The following LRRC7 variants were observed in gnomAD, a reference collection of about 807,000 sequenced individuals.
LRRC7 encodes leucine rich repeat containing 7.
Under a neutral mutation model 175.7 loss-of-function variants are expected in LRRC7, and 23 were observed. That is an observed-to-expected ratio of 0.13 (90% confidence interval 0.09 to 0.19). LRRC7 has a LOEUF of 0.19. Among genes scored for constraint, LRRC7 ranks in the 10% least tolerant of loss-of-function variants. The probability of loss-of-function intolerance (pLI) is 1.00; values close to 1 mark genes in which losing one functional copy is unlikely to be tolerated. For synonymous variants in LRRC7, 685 were observed against 680.9 expected, an observed-to-expected ratio of 1.01 and a Z score of -0.09; for missense variants, 1,354 against 1,904.7, an observed-to-expected ratio of 0.71 and a Z score of 5.38.
chr1:69,816,100 C>G (rs1278941547), intron 4 of LRRC7, among the ~76,000 whole-genome samples: 1 of 152,072 alleles, frequency 6.6e-6, no homozygotes, highest in Non-Finnish European at 1.5e-5. Flanking sequence ...GCCTCAGCCT[C>G]CTGAGTAGCT....
chr1:69,672,928 G>C (rs1659286260), intron 1 of LRRC7, among the ~76,000 whole-genome samples: 1 of 152,174 alleles, frequency 6.6e-6, no homozygotes, highest in African/African-American at 2.4e-5. Flanking sequence ...GCAAGCCTTT[G>C]ATTGTGCTTT....
chr1:69,995,525 G>A (rs1350275975), intron 11 of LRRC7, among the ~76,000 whole-genome samples: 1 of 151,504 alleles, frequency 6.6e-6, no homozygotes, highest in Non-Finnish European at 1.5e-5. Flanking sequence ...CTAGCATTAG[G>A]TATATCTCCC....
chr1:69,643,993 T>C (rs947575455), intron 1 of LRRC7, among the ~76,000 whole-genome samples: 3 of 152,062 alleles, frequency 2.0e-5, no homozygotes, highest in Non-Finnish European at 2.9e-5. Context: ...AAAATAAAAA[T>C]GTAGCAAAAT....
chr1:70,121,870 C>T lies in LRRC7; in HGVS notation c.4711C>T (p.Arg1571Cys), dbSNP rs909071809. 3.1e-6 allele frequency: 5 copies of T among 1,600,770 alleles called. No individual in the cohort carries two copies. The highest frequency in any genetic ancestry group is 1.1e-5 in the South Asian group (1 of 90,626). The change falls in exon 27 of 27, where the codon CGT becomes TGT. Residue 1571 changes from arginine to cysteine, a missense_variant. By Grantham distance (180) the Arg-to-Cys change is radical. This residue lies in a region of LRRC7 where 53 missense variants were observed against 112.6 expected (regional missense o/e 0.47). Coordinates refer to ENST00000651989, the MANE Select transcript of LRRC7 (RefSeq NM_001370785.2). ...GAACACAGTAGACCTAGTTATTCAA[C>T]GTGAGCTTACTGTCTAAATATTTTT... Reference protein sequence around the residue: ...FQNTVDLVIQRELTV With the variant: ...FQNTVDLVIQCELTV
intron 11 of LRRC7, among the ~76,000 whole-genome samples, chr1:70,010,002 C>T (rs1169010476): frequency 6.6e-6 from 1 of 152,204 alleles, no homozygotes; most frequent in Non-Finnish European, 1.5e-5. Context: ...TCACCAGCCC[C>T]TCAGTCACTG....
At chr1:69,931,382 G>T (rs1482398015) in intron 7 of LRRC7, 125 bp from the exon 8 acceptor site, 6 of 683,638 alleles carry the variant, frequency 8.8e-6, no homozygotes, top group Admixed American at 6.9e-5. Flanking sequence ...ACTTGTTGCT[G>T]AAGAGTACCC....
chr1:69,970,194 A>G (rs1280101779), intron 8 of LRRC7, among the ~76,000 whole-genome samples: 1 of 152,134 alleles, frequency 6.6e-6, no homozygotes, highest in Non-Finnish European at 1.5e-5. Flanking sequence ...GAGCACAAAC[A>G]GACAATCTAA....
intron 2 of LRRC7, among the ~76,000 whole-genome samples, chr1:69,750,563 A>G (rs1234647559): frequency 2.0e-5 from 3 of 152,346 alleles, no homozygotes; most frequent in South Asian, 2.1e-4. Flanking sequence ...TTGTGCTGCT[A>G]TAATGAAATA....
At chr1:70,084,719 G>A (rs773274102) in intron 24 of LRRC7, among the ~76,000 whole-genome samples, 1 of 152,084 alleles carries the variant, frequency 6.6e-6, no homozygotes, top group Non-Finnish European at 1.5e-5. Flanking sequence ...GCATTCTGAG[G>A]AACTGCCAAA....
At chr1:69,718,094 GAGA>G (rs1665835606) in intron 2 of LRRC7, among the ~76,000 whole-genome samples, 2 of 77,424 alleles carry the variant, frequency 2.6e-5, no homozygotes, top group South Asian at 4.4e-4. Flanking sequence ...GAAAAAGAAA[GAGA>G]AGAAAGAGAG....
chr1:69,781,765 GAAAGAAAGAAAGAA>G (rs1347571257), intron 3 of LRRC7, among the ~76,000 whole-genome samples: 2 of 38,512 alleles, frequency 5.2e-5, no homozygotes, highest in Non-Finnish European at 8.9e-5. Context: ...GAGAGAGAGA[GAAAGAAAGAAAGAA>G]AGAAAGAAAG....
intron 21 of LRRC7, 93 bp from the exon 22 acceptor site, chr1:70,043,861 G>T: frequency 7.0e-7 from 1 of 1,438,214 alleles, no homozygotes; most frequent in Non-Finnish European, 9.4e-7. Context: ...CCTGCCTAAA[G>T]TTAAATGTTA....
chr1:69,908,139 C>G lies in LRRC7; in HGVS notation c.648-23368C>G, dbSNP rs991783224. 1.1e-4 allele frequency among the ~76,000 whole-genome samples: 17 copies of G among 151,928 alleles called. No individual in the cohort carries two copies. The East Asian group carries it at 1.4e-3, about 12-fold the overall frequency. ...TTATCATTTTTTATTGCGTCTATTTCATTCTTCTCTCTTTTTTTCTTTATT... is the reference window on the plus strand; with the variant it reads ...TTATCATTTTTTATTGCGTCTATTTGATTCTTCTCTCTTTTTTTCTTTATT... On this transcript the variant is annotated intron_variant, in intron 7 of 26. Coordinates refer to ENST00000651989, the MANE Select transcript of LRRC7 (RefSeq NM_001370785.2).
chr1:70,003,388 G>A (rs981958549), intron 11 of LRRC7, among the ~76,000 whole-genome samples: 7 of 152,198 alleles, frequency 4.6e-5, no homozygotes, highest in African/African-American at 1.7e-4. Flanking sequence ...CTTAGGAGAT[G>A]AGGTGTTTGA....
At chr1:69,943,167 T>G (rs1168620833) in intron 8 of LRRC7, among the ~76,000 whole-genome samples, 1 of 152,132 alleles carries the variant, frequency 6.6e-6, no homozygotes, top group African/African-American at 2.4e-5. Flanking sequence ...CAAACCAACA[T>G]TATTGATAAT....
intron 7 of LRRC7, among the ~76,000 whole-genome samples, chr1:69,841,793 G>C (rs1681766448): frequency 6.8e-6 from 1 of 146,454 alleles, no homozygotes; most frequent in Admixed American, 6.6e-5. Context: ...GCTGAGCTAT[G>C]GATTCACAAT....
intron 1 of LRRC7, among the ~76,000 whole-genome samples, chr1:69,599,781 A>T (rs1646979062): frequency 1.3e-5 from 2 of 152,136 alleles, no homozygotes; most frequent in South Asian, 4.1e-4. Context: ...CTGGGGAAGG[A>T]TAAATCTATT....
At chr1:69,615,830 G>A (rs544591513) in intron 1 of LRRC7, among the ~76,000 whole-genome samples, 20 of 151,942 alleles carry the variant, frequency 1.3e-4, no homozygotes, top group Non-Finnish European at 2.8e-4. Context: ...AGTTCATGAC[G>A]AATCACATAC....
chr1:70,079,388 A>C (rs1324760455), intron 24 of LRRC7, among the ~76,000 whole-genome samples: 3 of 150,812 alleles, frequency 2.0e-5, no homozygotes, highest in African/African-American at 5.0e-5. Context: ...AACAATGGTA[A>C]ATTTGGTCAG....
Sources: gnomAD v4.1 joint callset for allele counts (sites outside exome capture counted in the v4.1 genomes callset) on GRCh38, gnomAD v4.1.1 for gene constraint, gnomAD v4.1.1 regional missense constraint, MANE v1.5 for transcripts, NCBI Gene and HGNC (gene_info 2026-07-23, HGNC 2026-07-21) for gene names.